MPP7: variants seen among roughly 807,000 people sequenced by gnomAD.
The protein encoded by MPP7 is MAGUK p55 subfamily member 7.
In MPP7, 60 loss-of-function variants were observed where a neutral mutation model predicts 76.5. That is an observed-to-expected ratio of 0.78 (90% CI 0.64 to 0.97). The LOEUF (loss-of-function observed/expected upper bound fraction) is 0.97. MPP7 is among the 50% of genes least tolerant of loss of function. The pLI is 0.00. For synonymous variants in MPP7, 237 were observed against 244.5 expected, an observed-to-expected ratio of 0.97 and a Z score of 0.29; for missense variants, 641 against 694.0, an observed-to-expected ratio of 0.92 and a Z score of 0.86.
At chr10:28,302,593 G>C (rs1028782617) in intron 1 of MPP7, among the ~76,000 whole-genome samples, 1 of 151,914 alleles carries the variant, frequency 6.6e-6, no homozygotes, top group Middle Eastern at 3.2e-3. Context: ...CCCCCGCCCG[G>C]AGTCCCGCGC....
At chr10:28,126,750 T>C (rs1454416339) in intron 6 of MPP7, among the ~76,000 whole-genome samples, 2 of 152,224 alleles carry the variant, frequency 1.3e-5, no homozygotes, top group Non-Finnish European at 2.9e-5. Flanking sequence ...AAAAATGGTT[T>C]TGAGGCTTCA....
At chr10:28,258,405 T>TATATAA (rs1156527505) in intron 1 of MPP7, among the ~76,000 whole-genome samples, 1 of 145,578 alleles carries the variant, frequency 6.9e-6, no homozygotes, top group Non-Finnish European at 1.5e-5. Flanking sequence ...TATATATATA[T>TATATAA]AAATTTTTTT....
At chr10:28,166,400 AT>A (rs34887665) in intron 3 of MPP7, among the ~76,000 whole-genome samples, 12,128 of 93,612 alleles carry the variant, frequency 0.13, 410 homozygotes, top group East Asian at 0.3. Flanking sequence ...TTACCTTTTA[AT>A]TTTTTTTTTT....
intron 3 of MPP7, among the ~76,000 whole-genome samples, chr10:28,169,678 C>T (rs1301490496): frequency 6.6e-6 from 1 of 152,170 alleles, no homozygotes; most frequent in Non-Finnish European, 1.5e-5. Flanking sequence ...ACCTAGCTAA[C>T]TCATGGTTTC....
chr10:28,134,548 T>A (rs1297075528), intron 5 of MPP7, among the ~76,000 whole-genome samples: 2 of 152,194 alleles, frequency 1.3e-5, no homozygotes, highest in African/African-American at 4.8e-5. Context: ...TTGTGGTTCA[T>A]GCTTTTTGTA....
chr10:28,173,678 T>C (rs1409710325), intron 3 of MPP7, among the ~76,000 whole-genome samples: 2 of 152,196 alleles, frequency 1.3e-5, no homozygotes, highest in South Asian at 2.1e-4. Flanking sequence ...AAAACAAAGA[T>C]AACCCGCAAC....
At chr10:28,186,555 C>T (rs192018378) in intron 3 of MPP7, among the ~76,000 whole-genome samples, 37 of 152,254 alleles carry the variant, frequency 2.4e-4, no homozygotes, top group African/African-American at 8.4e-4. Flanking sequence ...TATTTGCTGC[C>T]AATGGTTCTA....
At chr10:28,133,052 G>A (rs1032768919) in intron 5 of MPP7, among the ~76,000 whole-genome samples, 1 of 152,200 alleles carries the variant, frequency 6.6e-6, no homozygotes, top group East Asian at 1.9e-4. Flanking sequence ...TATGGCCGCT[G>A]TCATGCTACA....
rs905696573 is a variant in MPP7, at chr10:28,056,897, C to A, written c.1408-274G>T. ...AATATCACAAAACTGGTTTTTAGAT[C>A]AAATATTCCAAAGGTGTGATGAGTT... On this transcript the variant is annotated intron_variant, in intron 15 of 16. Coordinates refer to ENST00000683449, the MANE Select transcript of MPP7 (RefSeq NM_001318170.2). 3.9e-5 allele frequency among the ~76,000 whole-genome samples: 6 copies of A among 152,212 alleles called. No homozygotes were observed. In the South Asian group the frequency reaches 1.0e-3, roughly 26 times the overall value.
At chr10:28,089,324 T>C (rs1309275360) in intron 12 of MPP7, among the ~76,000 whole-genome samples, 1 of 152,222 alleles carries the variant, frequency 6.6e-6, no homozygotes, top group Non-Finnish European at 1.5e-5. Flanking sequence ...GCTTGTACCA[T>C]GCTGCTGCCT....
At chr10:28,243,841 G>C (rs1360907743) in intron 1 of MPP7, among the ~76,000 whole-genome samples, 1 of 152,110 alleles carries the variant, frequency 6.6e-6, no homozygotes, top group Non-Finnish European at 1.5e-5. Context: ...TTTGTTTTGA[G>C]GGTAAAATTA....
chr10:28,312,649 A>G (rs1841296247), intron 2 of MPP7, among the ~76,000 whole-genome samples: 1 of 152,252 alleles, frequency 6.6e-6, no homozygotes, highest in East Asian at 1.9e-4. Flanking sequence ...TTATATTCAG[A>G]AAGAAGGCCA....
In MPP7 at chr10:28,214,433, C is replaced by G. The variant is rs559125430; in HGVS notation, c.38-12162G>C. On this transcript the variant is annotated intron_variant, in intron 2 of 16. Transcript: ENST00000683449. ...TCATTAACAGGTTTAACTTAACACA[C>G]TTGCCAACATTTCAAGAGGCGTGTT... is the stretch of plus-strand genomic sequence containing the variant. 2.6e-5 allele frequency among the ~76,000 whole-genome samples: 4 copies of G among 152,240 alleles called. No homozygotes were observed. The South Asian group carries it at 8.3e-4, about 32-fold the overall frequency.
Position 28,147,556 on chromosome 10 carries a change from T to A in MPP7, c.242A>T (p.Glu81Val), listed in dbSNP as rs1835750039. The A allele has an allele frequency of 6.2e-7, 1 of 1,613,928 alleles. No individual in the cohort carries two copies. Among genetic ancestry groups the A allele is most frequent in the African/African-American group, 1.3e-5 (1 of 74,922 alleles). The stretch of plus-strand genomic sequence containing the variant: ...GTTTAATGGCTTGTTCTGAAGCTCT[T>A]CGGCCAGCTGCAACGGAGATTACAT... ...GAAALADDLA[E>V]ELQNKPLNSE... is the part of the protein sequence containing the mutation. The change falls in exon 5 of 17, where the codon GAA (glutamate) becomes GTA (valine). Residue 81 changes from glutamate to valine, a missense_variant. Transcript: ENST00000683449.
Position 28,089,708 on chromosome 10 carries a change from T to C in MPP7, c.1086A>G (p.Arg362=), listed in dbSNP as rs1229521955. The change falls in exon 12 of 17, where the codon CGA becomes CGG. Residue 362 remains arginine, a synonymous_variant. Transcript: ENST00000683449. ...PTYEEVTPYR[R]QTNEKYRLVV... Reference sequence around the variant, plus strand: ...CGAGTCTGTATTTTTCATTAGTTTGTCGCCGATACGGTGTCACTTCTTCGT... The same window carrying C: ...CGAGTCTGTATTTTTCATTAGTTTGCCGCCGATACGGTGTCACTTCTTCGT... 2 of 1,613,688 alleles carry C rather than the reference T, an allele frequency of 1.2e-6. No individual in the cohort carries two copies. Among genetic ancestry groups the C allele is most frequent in the Non-Finnish European group, 1.7e-6 (2 of 1,179,858 alleles).
At chr10:28,178,582 G>C (rs1836953099) in intron 3 of MPP7, among the ~76,000 whole-genome samples, 1 of 152,038 alleles carries the variant, frequency 6.6e-6, no homozygotes, top group Non-Finnish European at 1.5e-5. Context: ...TAGAACTTGA[G>C]TCAGACCACC....
At chr10:28,149,939 C>A (rs1316670732) in intron 4 of MPP7, 43 bp downstream of exon 4, 7 of 1,535,934 alleles carry the variant, frequency 4.6e-6, no homozygotes, top group South Asian at 1.1e-5. Flanking sequence ...TGGGCCAGGT[C>A]TGCAGCAGAC....
At position 28,256,136 on chromosome 10, in the gene MPP7, GA is replaced by G. The variant is rs755250474; in HGVS notation, c.-131-17402del. 1.3e-3 allele frequency among the ~76,000 whole-genome samples: 196 copies of G among 152,144 alleles called. 1 individual carries two copies. The highest frequency in any genetic ancestry group is 2.3e-3 in the Non-Finnish European group (159 of 67,994). ...AATTTTGGAATATGGAACAACTTTG[GA>G]GAGGGAATTTCTAGATAGGGAGGAT... On this transcript the variant is annotated intron_variant, in intron 1 of 16. Coordinates refer to ENST00000683449, the MANE Select transcript of MPP7 (RefSeq NM_001318170.2).
intron 11 of MPP7, among the ~76,000 whole-genome samples, chr10:28,106,736 C>T (rs1834337670): frequency 6.6e-6 from 1 of 152,178 alleles, no homozygotes; most frequent in Non-Finnish European, 1.5e-5. Context: ...GGCAATCCTT[C>T]CTCTGCTGTC....
Sources: gnomAD v4.1 joint callset for allele counts (sites outside exome capture counted in the v4.1 genomes callset) on GRCh38, gnomAD v4.1.1 for gene constraint, MANE v1.5 for transcripts, NCBI Gene and HGNC (gene_info 2026-07-23, HGNC 2026-07-21) for gene names.